The following CCDC186 variants were observed in gnomAD, a reference collection of about 807,000 sequenced individuals.
CCDC186 encodes the protein coiled-coil domain-containing protein 186.
A neutral mutation model predicts 113.7 loss-of-function variants in CCDC186; 49 were observed. That is an observed-to-expected ratio of 0.43 (90% CI 0.34 to 0.55). The LOEUF (loss-of-function observed/expected upper bound fraction) is 0.55, where lower values mean the gene tolerates loss of function less well. Ranked by LOEUF, CCDC186 falls within the 20% of genes least tolerant of loss-of-function variation. The probability of loss-of-function intolerance (pLI) is 0.02; values close to 1 mark genes in which losing one functional copy is unlikely to be tolerated. For synonymous variants in CCDC186, 355 were observed against 345.8 expected (o/e 1.03, Z -0.30); for missense variants, 890 against 1,011.1 (o/e 0.88, Z 1.62).
intron 6 of CCDC186, among the ~76,000 whole-genome samples, chr10:114,140,454 T>C (rs1009793140): frequency 2.6e-5 from 4 of 152,224 alleles, no homozygotes; most frequent in Admixed American, 2.6e-4. Flanking sequence ...AAAGGGTACA[T>C]TTTTAGTTCA....
At chr10:114,161,801 A>T (rs550628371) in intron 2 of CCDC186, 1 of 152,288 alleles carries the variant, frequency 6.6e-6, no homozygotes, top group East Asian at 1.9e-4. Context: ...ATGTCCATTA[A>T]TGGATGAATA....
In CCDC186 at chr10:114,135,935, T is replaced by C; in HGVS notation, c.1468A>G (p.Thr490Ala). 2 of 1,613,354 alleles carry C rather than the reference T, an allele frequency of 1.2e-6. No homozygotes were observed. The highest frequency in any genetic ancestry group is 1.7e-6 in the Non-Finnish European group (2 of 1,179,638). Residue 490 changes from threonine (T) to alanine (A), a missense_variant, in exon 9 of 16, where the codon ACA (threonine) becomes GCA (alanine). Physicochemically the swap from Thr to Ala is moderately conservative, Grantham distance 58. Coordinates refer to ENST00000369287, the MANE Select transcript of CCDC186 (RefSeq NM_018017.4). ...KIKELEDLKR[T>A]FKEGMDELRT... is the part of the protein sequence containing the mutation. ...AACTCATCCATACCCTCCTTAAATG[T>C]TCTCTTCAGATCTTCTAGTTCCTTT...
At chr10:114,149,464 C>T (rs1288826023) in intron 4 of CCDC186, among the ~76,000 whole-genome samples, 4 of 150,848 alleles carry the variant, frequency 2.7e-5, no homozygotes, top group African/African-American at 4.9e-5. Context: ...GTTTGAACTG[C>T]TACCATGTAC....
In CCDC186 at chr10:114,126,976, C is replaced by G. The variant is rs574045649; in HGVS notation, c.2393+485G>C. Among the ~76,000 whole-genome samples, 8 of 152,218 alleles carry G rather than the reference C, an allele frequency of 5.3e-5. No homozygotes were observed. In the South Asian group the frequency reaches 1.7e-3, roughly 32 times the overall value. ...ACCCTGGAACATTTAGTGATGTGAC[C>G]TGAGCCCCACTTATCTGCAAAATTA... On this transcript the variant is annotated intron_variant, in intron 14 of 15. Coordinates refer to ENST00000369287, the MANE Select transcript of CCDC186 (RefSeq NM_018017.4).
chr10:114,159,440 C>T (rs1015871899), intron 2 of CCDC186, among the ~76,000 whole-genome samples: 2 of 151,682 alleles, frequency 1.3e-5, no homozygotes, highest in African/African-American at 4.8e-5. Context: ...GTCAAGAGAC[C>T]GAGACCACCC....
At chr10:114,131,120 TG>T in intron 12 of CCDC186, 26 bp downstream of exon 12, 1 of 1,387,626 alleles carries the variant, frequency 7.2e-7, no homozygotes, top group Non-Finnish European at 9.4e-7. Flanking sequence ...AACACATTCA[TG>T]GTCTAAGTGT....
Position 114,135,065 on chromosome 10 carries a change from G to C in CCDC186, c.1513-10C>G, listed in dbSNP as rs1178707214. 3 of 1,598,116 alleles carry C rather than the reference G, an allele frequency of 1.9e-6. No individual in the cohort carries two copies. In the African/African-American group the frequency reaches 4.0e-5, roughly 22 times the overall value. Reference sequence around the variant, plus strand: ...CTTCTAGACATTTCACCTATCAAATGATCACAACCAAGTTACAAACCATGT... The same window carrying C: ...CTTCTAGACATTTCACCTATCAAATCATCACAACCAAGTTACAAACCATGT... On this transcript the variant is annotated splice_polypyrimidine_tract_variant and intron_variant, in intron 9 of 15. Coordinates refer to ENST00000369287, the MANE Select transcript of CCDC186 (RefSeq NM_018017.4).
At chr10:114,166,784 A>C (rs1010247306) in intron 1 of CCDC186, among the ~76,000 whole-genome samples, 3 of 152,222 alleles carry the variant, frequency 2.0e-5, no homozygotes, top group Non-Finnish European at 2.9e-5. Flanking sequence ...GGAAGACAGT[A>C]TAGAACAACA....
intron 2 of CCDC186, among the ~76,000 whole-genome samples, chr10:114,160,958 C>A (rs748624801): frequency 2.0e-5 from 3 of 152,194 alleles, no homozygotes; most frequent in Non-Finnish European, 4.4e-5. Flanking sequence ...AGTATTGTCA[C>A]TCTAAGGTGA....
chr10:114,131,916 A>C lies in CCDC186; in HGVS notation c.1911+13T>G. ...GTTACGTTGTTTTAAAAAAAATGTA[A>C]ATTTATACTTACCAAATTAATATTT... On this transcript the variant is annotated intron_variant, in intron 11 of 15. Coordinates refer to ENST00000369287, the MANE Select transcript of CCDC186 (RefSeq NM_018017.4). 6.3e-7 allele frequency: 1 copy of C among 1,587,524 alleles called. No homozygotes were observed. The highest frequency in any genetic ancestry group is 8.6e-7 in the Non-Finnish European group (1 of 1,166,080).
At chr10:114,126,288 T>G (rs1228728995) in intron 14 of CCDC186, among the ~76,000 whole-genome samples, 183 bp from the exon 15 acceptor site, 1 of 152,234 alleles carries the variant, frequency 6.6e-6, no homozygotes, top group Non-Finnish European at 1.5e-5. Flanking sequence ...TGTTCTATTG[T>G]AGCATTCGGA....
At chr10:114,149,537 G>A (rs1318506838) in intron 4 of CCDC186, among the ~76,000 whole-genome samples, 7 of 113,606 alleles carry the variant, frequency 6.2e-5, no homozygotes, top group Non-Finnish European at 1.3e-4. Context: ...AGGAAGGAAA[G>A]GGAAGGGAAG....
At position 114,135,957 on chromosome 10, in the gene CCDC186, C is replaced by T. The variant is rs150363015; in HGVS notation, c.1446G>A (p.Lys482=). The T allele has an allele frequency of 3.5e-4, 557 of 1,612,854 alleles. 5 individuals are homozygous for T. The African/African-American group carries it at 6.7e-3, about 19-fold the overall frequency. Residue 482 remains lysine, a synonymous_variant, in exon 9 of 16, where the codon AAG becomes AAA. Transcript: ENST00000369287. ...DQLEMHHAKI[K]ELEDLKRTFK... ...ATGTTCTCTTCAGATCTTCTAGTTC[C>T]TTTATTTTGGCATGATGCATCTTTA...
At chr10:114,125,440 G>A (rs1247567899) in intron 15 of CCDC186, among the ~76,000 whole-genome samples, 1 of 152,036 alleles carries the variant, frequency 6.6e-6, no homozygotes, top group African/African-American at 2.4e-5. Flanking sequence ...TGAAGCTACA[G>A]CAATTTTTAA....
intron 15 of CCDC186, 135 bp from the exon 16 acceptor site, chr10:114,125,361 A>G (rs914196691): frequency 3.4e-6 from 2 of 588,520 alleles, no homozygotes; most frequent in Admixed American, 3.4e-5. Context: ...TGTCAGATAA[A>G]CTAGTGACAC....
intron 6 of CCDC186, among the ~76,000 whole-genome samples, chr10:114,138,231 C>CTT (rs2031341375): frequency 6.8e-6 from 1 of 146,920 alleles, no homozygotes; most frequent in Non-Finnish European, 1.5e-5. Context: ...CAGAGTGAGA[C>CTT]TTTGTCACAA....
Position 114,122,191 on chromosome 10 carries a change from G to C in CCDC186, c.*2952C>G, listed in dbSNP as rs375607328. 6.6e-6 allele frequency: 1 copy of C among 152,094 alleles called. No homozygotes were observed. Among genetic ancestry groups the C allele is most frequent in the African/African-American group, 2.4e-5 (1 of 41,406 alleles). The allele number at this position is 152,094 out of a possible 1,614,324, so 9.4% of individuals were successfully genotyped here. A position where few individuals can be genotyped will look rare whatever the true frequency, so the allele number is the denominator to read the frequency against. On this transcript the variant is annotated 3_prime_UTR_variant, in exon 16 of 16. Coordinates refer to ENST00000369287, the MANE Select transcript of CCDC186 (RefSeq NM_018017.4). ...CTCACTAGTATAAATACAATACCCTGTATGGTGCCAATACAATAGTATAGG... is the reference window on the plus strand; with the variant it reads ...CTCACTAGTATAAATACAATACCCTCTATGGTGCCAATACAATAGTATAGG...
At position 114,131,285 on chromosome 10, in the gene CCDC186, G is replaced by A. The variant is rs1376386475; in HGVS notation, c.1963C>T (p.Leu655=). 6.2e-7 allele frequency: 1 copy of A among 1,601,382 alleles called. No individual in the cohort carries two copies. The highest frequency in any genetic ancestry group is 1.1e-5 in the South Asian group (1 of 88,736). The change falls in exon 12 of 16, where the codon CTG becomes TTG. Residue 655 remains leucine, a synonymous_variant. Transcript: ENST00000369287. The part of the protein sequence containing the change: ...EELRKEEVQT[L]QAELACRQTE... The stretch of plus-strand genomic sequence containing the variant: ...TGTCTACAAGCGAGTTCAGCTTGCA[G>A]AGTTTGGACTTCCTCTTTTCGCAGT...
At chr10:114,159,741 G>A (rs1304963250) in intron 2 of CCDC186, among the ~76,000 whole-genome samples, 1 of 151,790 alleles carries the variant, frequency 6.6e-6, no homozygotes, top group Non-Finnish European at 1.5e-5. Context: ...GATAGCCTGA[G>A]TTCTGGAGTT....
Sources: allele counts gnomAD v4.1 joint callset (sites outside exome capture counted in the v4.1 genomes callset), GRCh38; gene constraint gnomAD v4.1.1; transcripts MANE v1.5; gene names NCBI Gene and HGNC (gene_info 2026-07-23, HGNC 2026-07-21).